Variants in HAUS7 observed in about 807,000 individuals in gnomAD.
The protein encoded by HAUS7 is HAUS augmin like complex subunit 7, also known as HAUS augmin-like complex subunit 7.
In HAUS7, 3 loss-of-function variants were observed where a neutral mutation model predicts 28.4. The observed-to-expected ratio is 0.11, with a 90% CI of 0.05 to 0.27. The LOEUF is 0.27. Ranked by LOEUF, HAUS7 falls within the 10% of genes least tolerant of loss-of-function variation. The pLI, the probability that HAUS7 is intolerant of heterozygous loss-of-function variation, is 1.00. For missense variants in HAUS7, 284 were observed against 297.3 expected, an observed-to-expected ratio of 0.96 and a Z score of 0.33; for synonymous variants, 165 against 132.1, an observed-to-expected ratio of 1.25 and a Z score of -1.71.
chrX:153,494,769 C>A (rs868910786), intron 1 of HAUS7, among the ~76,000 whole-genome samples: 1 of 26,127 alleles, frequency 3.8e-5, no homozygotes, highest in African/African-American at 1.7e-4. Context: ...GGCGAGGGGG[C>A]GGGGGCTCAG....
chrX:153,481,338 AG>A, intron 1 of HAUS7: 7 of 747,757 alleles, frequency 9.4e-6, no homozygotes, highest in Non-Finnish European at 1.1e-5. Context: ...GTGACCCAGC[AG>A]GGGCTGTCTC....
intron 5 of HAUS7, 183 bp from the exon 6 acceptor site, chrX:153,456,834 C>G: frequency 2.2e-6 from 1 of 449,884 alleles, no homozygotes; most frequent in Non-Finnish European, 3.8e-6. Flanking sequence ...GCCCGCCTAC[C>G]TACCCACCCA....
chrX:153,462,902 T>C (rs1000555923), intron 3 of HAUS7, among the ~76,000 whole-genome samples: 2 of 112,788 alleles, frequency 1.8e-5, no homozygotes, highest in African/African-American at 6.4e-5. Context: ...CTCTCCCAGG[T>C]TTGGGGTCAC....
intron 1 of HAUS7, chrX:153,487,223 C>G (rs944689072): frequency 5.9e-6 from 1 of 170,418 alleles, no homozygotes; most frequent in Non-Finnish European, 1.1e-5. Context: ...AGTCCTTGCT[C>G]GGTCCCAAGC....
At chrX:153,484,372 G>A (rs1359910649) in intron 1 of HAUS7, among the ~76,000 whole-genome samples, 3 of 112,679 alleles carry the variant, frequency 2.7e-5, no homozygotes, top group Admixed American at 9.3e-5. Context: ...AAAGTCAAGG[G>A]CAATTCCCTG....
intron 9 of HAUS7, among the ~76,000 whole-genome samples, chrX:153,452,300 G>C (rs1795785103): frequency 8.9e-6 from 1 of 112,122 alleles, no homozygotes; most frequent in Non-Finnish European, 1.9e-5. Context: ...AAGGACACTA[G>C]ACAGTAACAC....
chrX:153,478,505 T>C (rs782081156), intron 1 of HAUS7, among the ~76,000 whole-genome samples: 1 of 112,841 alleles, frequency 8.9e-6, no homozygotes, highest in African/African-American at 3.2e-5. Flanking sequence ...CCAAGAAGTC[T>C]GGGGGGGACC....
At chrX:153,495,362 C>T in intron 1 of HAUS7, 1 of 112,625 alleles carries the variant, frequency 8.9e-6, no homozygotes. Context: ...TCCTCTCCCT[C>T]TCCCTTCTGA....
intron 9 of HAUS7, among the ~76,000 whole-genome samples, chrX:153,451,118 C>T (rs1298350810): frequency 8.9e-6 from 1 of 112,155 alleles, no homozygotes; most frequent in Non-Finnish European, 1.9e-5. Context: ...GGTGAAGAGA[C>T]ACTTCCCTGT....
chrX:153,465,037 C>T lies in HAUS7; in HGVS notation c.243G>A (p.Gln81=), dbSNP rs376270927. The T allele has an allele frequency of 1.3e-5, 15 of 1,199,070 alleles. No individual in the cohort carries two copies. The highest frequency in any genetic ancestry group is 1.8e-5 in the African/African-American group (1 of 56,887). Residue 81 remains glutamine, a synonymous_variant, in exon 3 of 10, where the codon CAG becomes CAA. Transcript: ENST00000370211. ...WMCTRVWPSL[Q]DRFSSLKGVP... ...CCCCTTTCAGTGAGCTGAACCTGTC[C>T]TGCAGTGAGGGCCAGACCCTGCAGG... is the stretch of plus-strand genomic sequence containing the variant.
At chrX:153,488,819 C>A (rs1413264079) in intron 1 of HAUS7, among the ~76,000 whole-genome samples, 1 of 113,156 alleles carries the variant, frequency 8.8e-6, no homozygotes, top group African/African-American at 3.2e-5. Flanking sequence ...CTGCCCACTT[C>A]TTACCACTGC....
At chrX:153,455,285 T>C in intron 8 of HAUS7, 1 of 441,099 alleles carries the variant, frequency 2.3e-6, no homozygotes, top group Non-Finnish European at 3.9e-6. Flanking sequence ...ACACCGGATC[T>C]GGGCCTAGCT....
At chrX:153,479,180 C>A in intron 1 of HAUS7, 1 of 194,462 alleles carries the variant, frequency 5.1e-6, no homozygotes, top group Non-Finnish European at 7.8e-6. Context: ...GCTCAGGGAG[C>A]AAGACCAACT....
intron 1 of HAUS7, among the ~76,000 whole-genome samples, chrX:153,469,597 G>A (rs2089494981): frequency 8.8e-6 from 1 of 113,194 alleles, no homozygotes; most frequent in Non-Finnish European, 1.9e-5. Flanking sequence ...AAAGTGGTGG[G>A]ATTACAGGCG....
intron 1 of HAUS7, among the ~76,000 whole-genome samples, chrX:153,494,739 A>AGGGGGGGG (rs782707145): frequency 7.6e-5 from 2 of 26,214 alleles, no homozygotes; most frequent in African/African-American, 2.3e-4. Flanking sequence ...CAGGCGGGGG[A>AGGGGGGGG]GGGGGGGGGA....
chrX:153,470,816 C>T, upstream of HAUS7: 1 of 425,095 alleles, frequency 2.4e-6, no homozygotes, highest in Non-Finnish European at 4.3e-6. Flanking sequence ...GGGAAGGGGG[C>T]GGGGCGGACA....
At chrX:153,492,704 G>A (rs2089678741) in intron 1 of HAUS7, among the ~76,000 whole-genome samples, 1 of 110,126 alleles carries the variant, frequency 9.1e-6, no homozygotes. Context: ...GGACTGCAGC[G>A]CCGCCTGGCT....
Position 153,455,676 on chromosome X carries a change from G to A in HAUS7, c.796C>T (p.His266Tyr). ...TGGAGAAAAGCCAAGATTAGCTGGT[G>A]GAAGTCGGAAGTGACCAGACGCAGC... Reference protein sequence around the residue: ...QKLRLVTSDFHQLILAFLQVY... With the variant: ...QKLRLVTSDFYQLILAFLQVY... Residue 266 changes from histidine (H) to tyrosine (Y), a missense_variant, in exon 8 of 10, where the codon CAC becomes TAC. His to Tyr is a moderately conservative substitution (Grantham distance 83). Transcript: ENST00000370211. 1.7e-6 allele frequency: 2 copies of A among 1,203,310 alleles called. No homozygotes were observed. Among genetic ancestry groups the A allele is most frequent in the South Asian group, 3.5e-5 (2 of 56,835 alleles).
rs61271314 is a variant in HAUS7, at chrX:153,452,107, C to T, written c.1045+2287G>A. On this transcript the variant is annotated intron_variant, in intron 9 of 9. Transcript: ENST00000370211. Reference sequence around the variant, plus strand: ...ATACCAGCTGGCTTCGCATCAGAAGCTTTGGCAGCCAGAGGACACTGAAAT... The same window carrying T: ...ATACCAGCTGGCTTCGCATCAGAAGTTTTGGCAGCCAGAGGACACTGAAAT... Among the ~76,000 whole-genome samples the T allele has an allele frequency of 8.0e-3, 905 of 112,432 alleles. 11 individuals carry two copies. The highest frequency in any genetic ancestry group is 0.028 in the African/African-American group (857 of 30,924).
Sources: gnomAD v4.1 joint callset for allele counts (sites outside exome capture counted in the v4.1 genomes callset) on GRCh38, gnomAD v4.1.1 for gene constraint, MANE v1.5 for transcripts, NCBI Gene and HGNC (gene_info 2026-07-23, HGNC 2026-07-21) for gene names.